NRXN3: variants seen among roughly 807,000 people sequenced by gnomAD.
NRXN3 encodes the protein neurexin III.
NRXN3 carries 32 observed loss-of-function variants against 137.6 expected under a neutral mutation model. The ratio of observed to expected loss-of-function variants is 0.23; its 90% CI spans 0.18 to 0.31. The LOEUF is 0.31. NRXN3 is among the 10% of genes least tolerant of loss of function. NRXN3 has a pLI of 1.00. For missense variants in NRXN3, 1,574 were observed against 2,062.5 expected, an observed-to-expected ratio of 0.76 and a Z score of 4.59; for synonymous variants, 798 against 784.5, an observed-to-expected ratio of 1.02 and a Z score of -0.29.
At chr14:79,409,647 T>A (rs2095383119) in intron 15 of NRXN3, among the ~76,000 whole-genome samples, 1 of 112,522 alleles carries the variant, frequency 8.9e-6, no homozygotes, top group Admixed American at 9.0e-5. Context: ...ATATATATCC[T>A]CAAAATTTTA....
chr14:79,302,321 A>T (rs1467570224), intron 15 of NRXN3, among the ~76,000 whole-genome samples: 2 of 151,976 alleles, frequency 1.3e-5, no homozygotes, highest in Non-Finnish European at 2.9e-5. Flanking sequence ...AAAGAGGTTT[A>T]TTGGGCTCAT....
intron 15 of NRXN3, among the ~76,000 whole-genome samples, chr14:79,163,770 A>G (rs2061026923): frequency 6.6e-6 from 1 of 151,978 alleles, no homozygotes; most frequent in Non-Finnish European, 1.5e-5. Flanking sequence ...GCCCTGCCAA[A>G]TGAATTTCTT....
At chr14:78,298,649 ATTGTCTT>A (rs1567198399) in intron 4 of NRXN3, among the ~76,000 whole-genome samples, 2 of 152,128 alleles carry the variant, frequency 1.3e-5, no homozygotes. Context: ...CCTAGTTAAA[ATTGTCTT>A]TTCCTTCACA....
At chr14:78,354,287 C>T (rs1265013011) in intron 4 of NRXN3, among the ~76,000 whole-genome samples, 1 of 152,134 alleles carries the variant, frequency 6.6e-6, no homozygotes, top group African/African-American at 2.4e-5. Flanking sequence ...AGCCATAGGA[C>T]CCAAAGCAGC....
rs368241057 is a variant in NRXN3 at position 78,202,370 on chromosome 14, G to A, written c.-704+31696G>A. On this transcript the variant is annotated intron_variant, in intron 1 of 20. Coordinates refer to ENST00000335750, the MANE Select transcript of NRXN3 (RefSeq NM_001330195.2). Reference sequence around the variant, plus strand: ...GGATTTCCTGTCGGTTAAAGATGTGGCAGCATTATTGTTCCTGTTTCTGGA... The same window carrying A: ...GGATTTCCTGTCGGTTAAAGATGTGACAGCATTATTGTTCCTGTTTCTGGA... 9.2e-5 allele frequency among the ~76,000 whole-genome samples: 14 copies of A among 152,330 alleles called. 1 individual carries two copies. In the East Asian group the frequency reaches 1.3e-3, roughly 15 times the overall value.
At chr14:79,745,422 A>T (rs1461816229) in intron 19 of NRXN3, among the ~76,000 whole-genome samples, 1 of 152,172 alleles carries the variant, frequency 6.6e-6, no homozygotes, top group Non-Finnish European at 1.5e-5. Flanking sequence ...ATCAGGATTA[A>T]ATCATATGTT....
intron 4 of NRXN3, among the ~76,000 whole-genome samples, chr14:78,592,936 G>C (rs958769535): frequency 6.6e-6 from 1 of 152,180 alleles, no homozygotes; most frequent in Non-Finnish European, 1.5e-5. Flanking sequence ...TTGCAAAGTG[G>C]AAAGATCTGG....
In NRXN3 at chr14:78,254,384, C is replaced by T. The variant is rs549181868; in HGVS notation, c.709+10582C>T. On this transcript the variant is annotated intron_variant, in intron 2 of 20. Coordinates refer to ENST00000335750, the MANE Select transcript of NRXN3 (RefSeq NM_001330195.2). ...TTCCTGGAAATCCTGAATTTCTCTGCGACAAAAACATGGGGGCTGGGGACG... is the reference window on the plus strand; with the variant it reads ...TTCCTGGAAATCCTGAATTTCTCTGTGACAAAAACATGGGGGCTGGGGACG... Among the ~76,000 whole-genome samples, 22 of 152,178 alleles carry T rather than the reference C, an allele frequency of 1.4e-4. 1 individual carries two copies. In the South Asian group the frequency reaches 3.9e-3, roughly 27 times the overall value.
intron 7 of NRXN3, among the ~76,000 whole-genome samples, chr14:78,714,470 A>T (rs12895017): frequency 0.018 from 2,757 of 152,262 alleles, 27 homozygotes; most frequent in Non-Finnish European, 0.026. Flanking sequence ...TGCTGCTCTC[A>T]ACCTGTATGG....
intron 16 of NRXN3, among the ~76,000 whole-genome samples, chr14:79,530,153 G>A (rs1258117623): frequency 1.3e-5 from 2 of 152,058 alleles, no homozygotes; most frequent in African/African-American, 2.4e-5. Flanking sequence ...AGAAATGATT[G>A]CAAATCTCCA....
rs149764113 is a variant in NRXN3 at position 78,811,902 on chromosome 14, A to C, written c.2275+1558A>C. On this transcript the variant is annotated intron_variant, in intron 10 of 20. Coordinates refer to ENST00000335750, the MANE Select transcript of NRXN3 (RefSeq NM_001330195.2). ...CTATTTTCTGTGTTTAAATATTTCT[A>C]ATTAGCCAGAAATTTGTCATGATAT... Among the ~76,000 whole-genome samples, 903 of 152,276 alleles carry C rather than the reference A, an allele frequency of 5.9e-3. 11 individuals carry two copies. The highest frequency in any genetic ancestry group is 0.02 in the African/African-American group (813 of 41,560).
Position 79,444,085 on chromosome 14 carries a change from G to A in NRXN3, c.3263-23136G>A, listed in dbSNP as rs558071899. On this transcript the variant is annotated intron_variant, in intron 15 of 20. Coordinates refer to ENST00000335750, the MANE Select transcript of NRXN3 (RefSeq NM_001330195.2). ...AAAATAAATCCTCTGTATTACTGAAGCATGTGAATGCCATGAAGTAGTGGG... is the reference window on the plus strand; with the variant it reads ...AAAATAAATCCTCTGTATTACTGAAACATGTGAATGCCATGAAGTAGTGGG... Among the ~76,000 whole-genome samples the A allele has an allele frequency of 1.3e-3, 194 of 152,258 alleles. 1 individual carries two copies. The highest frequency in any genetic ancestry group is 1.9e-3 in the Non-Finnish European group (129 of 68,014).
At chr14:79,508,389 G>A (rs1376942582) in intron 16 of NRXN3, among the ~76,000 whole-genome samples, 1 of 12,560 alleles carries the variant, frequency 8.0e-5, no homozygotes, top group Non-Finnish European at 1.5e-4. Context: ...AACAATAACT[G>A]ATTTTTTTTT....
chr14:79,188,957 AC>A (rs1485819703), intron 15 of NRXN3, among the ~76,000 whole-genome samples: 1 of 152,152 alleles, frequency 6.6e-6, no homozygotes, highest in Non-Finnish European at 1.5e-5. Context: ...AACTAGTTCA[AC>A]CCTTGTGGAA....
intron 15 of NRXN3, among the ~76,000 whole-genome samples, chr14:79,408,354 C>T (rs2095353492): frequency 6.6e-6 from 1 of 152,096 alleles, no homozygotes; most frequent in Admixed American, 6.6e-5. Context: ...TAGGACGCAG[C>T]CCAACTAACT....
At chr14:79,409,130 A>G (rs2095367402) in intron 15 of NRXN3, among the ~76,000 whole-genome samples, 1 of 152,114 alleles carries the variant, frequency 6.6e-6, no homozygotes, top group Non-Finnish European at 1.5e-5. Flanking sequence ...AGTAAACTGC[A>G]ATCTTTGCAA....
At chr14:78,546,425 C>T (rs2096637033) in intron 4 of NRXN3, among the ~76,000 whole-genome samples, 1 of 152,080 alleles carries the variant, frequency 6.6e-6, no homozygotes, top group Admixed American at 6.6e-5. Context: ...TTTTTCTTGT[C>T]TTTCCATAGT....
intron 20 of NRXN3, among the ~76,000 whole-genome samples, chr14:79,827,298 ATGATATT>A (rs919122634): frequency 2.6e-5 from 4 of 152,134 alleles, no homozygotes; most frequent in African/African-American, 9.7e-5. Context: ...TCTGAAAAAA[ATGATATT>A]TGAGCAGAAG....
intron 9 of NRXN3, among the ~76,000 whole-genome samples, chr14:78,807,684 G>A (rs1373422998): frequency 2.2e-5 from 3 of 139,434 alleles, no homozygotes; most frequent in Non-Finnish European, 4.6e-5. Flanking sequence ...GCAGTGAGCC[G>A]AGATCTCACC....
Sources: gnomAD v4.1 joint callset for allele counts (sites outside exome capture counted in the v4.1 genomes callset) on GRCh38, gnomAD v4.1.1 for gene constraint, MANE v1.5 for transcripts, NCBI Gene and HGNC (gene_info 2026-07-23, HGNC 2026-07-21) for gene names.